Variants in PDLIM5 observed in about 807,000 individuals in gnomAD.
The protein encoded by PDLIM5 is PDZ and LIM domain protein 5.
PDLIM5 carries 34 observed loss-of-function variants against 64.2 expected under a neutral mutation model. That is an observed-to-expected ratio of 0.53 (90% confidence interval 0.40 to 0.71). PDLIM5 has a LOEUF of 0.71. Among genes scored for constraint, PDLIM5 ranks in the 30% least tolerant of loss-of-function variants. PDLIM5 has a pLI of 0.00. For missense variants in PDLIM5, 683 were observed against 733.6 expected (o/e 0.93, Z 0.80); for synonymous variants, 253 against 269.1 (o/e 0.94, Z 0.59).
intron 2 of PDLIM5, among the ~76,000 whole-genome samples, chr4:94,511,648 G>T (rs534231011): frequency 6.6e-6 from 1 of 150,866 alleles, no homozygotes; most frequent in African/African-American, 2.4e-5. Context: ...CCCAGCCTCT[G>T]GTAACCATCC....
intron 11 of PDLIM5, among the ~76,000 whole-genome samples, chr4:94,659,932 T>C (rs1742544497): frequency 6.7e-6 from 1 of 149,978 alleles, no homozygotes; most frequent in South Asian, 2.1e-4. Flanking sequence ...AGTCTCACTC[T>C]GTCACCCAGG....
intron 3 of PDLIM5, among the ~76,000 whole-genome samples, chr4:94,571,153 C>T (rs1325511935): frequency 3.3e-5 from 5 of 152,116 alleles, no homozygotes; most frequent in Non-Finnish European, 7.4e-5. Context: ...GATAAGACTG[C>T]TGTTTATTTG....
At chr4:94,467,150 C>A (rs1031030163) in intron 2 of PDLIM5, among the ~76,000 whole-genome samples, 1 of 152,100 alleles carries the variant, frequency 6.6e-6, no homozygotes, top group Non-Finnish European at 1.5e-5. Context: ...AGAAAACCCC[C>A]GAGTCTTATT....
intron 2 of PDLIM5, among the ~76,000 whole-genome samples, chr4:94,487,158 A>G (rs929163805): frequency 1.3e-5 from 2 of 152,094 alleles, no homozygotes; most frequent in Admixed American, 1.3e-4. Context: ...AATAACAACT[A>G]TTCTTTTTTG....
At chr4:94,466,589 A>T (rs1724387614) in intron 2 of PDLIM5, among the ~76,000 whole-genome samples, 1 of 152,214 alleles carries the variant, frequency 6.6e-6, no homozygotes, top group African/African-American at 2.4e-5. Flanking sequence ...AAATTTTATT[A>T]TAGAGCTTTT....
chr4:94,605,162 G>A (rs1224565290), intron 7 of PDLIM5, among the ~76,000 whole-genome samples: 3 of 152,182 alleles, frequency 2.0e-5, no homozygotes, highest in African/African-American at 7.2e-5. Flanking sequence ...CTGAGATTAA[G>A]GGAGGAGATG....
intron 2 of PDLIM5, among the ~76,000 whole-genome samples, chr4:94,465,956 CT>C (rs879478462): frequency 6.7e-5 from 10 of 148,442 alleles, no homozygotes; most frequent in South Asian, 2.1e-4. Flanking sequence ...GTGTCTGTTT[CT>C]TTTTTTTTTC....
In PDLIM5 at chr4:94,555,087, C is replaced by A. The variant is rs1733160575; in HGVS notation, c.249-18264C>A. Among the ~76,000 whole-genome samples the A allele has an allele frequency of 2.0e-5, 3 of 152,150 alleles. No individual in the cohort carries two copies. In the South Asian group the frequency reaches 6.2e-4, roughly 32 times the overall value. On this transcript the variant is annotated intron_variant, in intron 3 of 12. Coordinates refer to ENST00000317968, the MANE Select transcript of PDLIM5 (RefSeq NM_006457.5). ...TCTTTTTTTGAGATGGAGTCTCACT[C>A]TGTTGCCCCAGCTGGAGTGCAGTGG...
intron 2 of PDLIM5, among the ~76,000 whole-genome samples, chr4:94,502,570 A>G (rs1728022975): frequency 6.6e-6 from 1 of 152,056 alleles, no homozygotes; most frequent in Non-Finnish European, 1.5e-5. Flanking sequence ...ACTCCATAGG[A>G]TTTTTATGAG....
intron 3 of PDLIM5, among the ~76,000 whole-genome samples, chr4:94,549,420 A>G (rs939549748): frequency 7.2e-5 from 11 of 152,184 alleles, no homozygotes; most frequent in African/African-American, 2.7e-4. Context: ...CCTCTGACCT[A>G]TCAATTCCAT....
At chr4:94,586,610 A>T (rs570271281) in intron 7 of PDLIM5, among the ~76,000 whole-genome samples, 166 bp downstream of exon 7, 1 of 152,218 alleles carries the variant, frequency 6.6e-6, no homozygotes, top group Non-Finnish European at 1.5e-5. Flanking sequence ...CAACTTGCAG[A>T]TTTTAAAAGT....
At chr4:94,492,828 G>A (rs761124975) in intron 2 of PDLIM5, among the ~76,000 whole-genome samples, 27 of 152,116 alleles carry the variant, frequency 1.8e-4, no homozygotes, top group Non-Finnish European at 3.2e-4. Context: ...CTGCTGCTGT[G>A]AACATTTGTG....
intron 3 of PDLIM5, among the ~76,000 whole-genome samples, chr4:94,564,705 G>A (rs956427957): frequency 7.4e-6 from 1 of 135,690 alleles, no homozygotes; most frequent in Non-Finnish European, 1.5e-5. Context: ...TCCCAGGCTG[G>A]AGTGCAGTAG....
At chr4:94,649,966 G>A (rs191384149) in intron 9 of PDLIM5, among the ~76,000 whole-genome samples, 1 of 152,302 alleles carries the variant, frequency 6.6e-6, no homozygotes, top group East Asian at 1.9e-4. Flanking sequence ...AACTATAGGT[G>A]GCCTCACAAC....
chr4:94,582,943 A>G (rs897953117), intron 5 of PDLIM5: 38 of 500,318 alleles, frequency 7.6e-5, no homozygotes, highest in African/African-American at 7.2e-4. Flanking sequence ...GTAATGAAAA[A>G]CTTAGTAAGT....
intron 2 of PDLIM5, among the ~76,000 whole-genome samples, chr4:94,518,209 T>C (rs1440148544): frequency 2.0e-5 from 3 of 152,168 alleles, no homozygotes; most frequent in Admixed American, 6.6e-5. Flanking sequence ...TAAAATGATA[T>C]CTGCCATAAT....
intron 2 of PDLIM5, among the ~76,000 whole-genome samples, chr4:94,465,056 C>T (rs11935947): frequency 0.019 from 2,953 of 152,124 alleles, 75 homozygotes; most frequent in African/African-American, 0.061. Context: ...TAAATGGGCC[C>T]GTTTAATATA....
chr4:94,646,072 T>C (rs913286854), intron 9 of PDLIM5, among the ~76,000 whole-genome samples: 1 of 152,222 alleles, frequency 6.6e-6, no homozygotes, highest in African/African-American at 2.4e-5. Context: ...ATAAGCAACA[T>C]TCGTTGAGTA....
chr4:94,452,336 G>A (rs1209979555), intron 1 of PDLIM5, among the ~76,000 whole-genome samples: 1 of 152,156 alleles, frequency 6.6e-6, no homozygotes, highest in African/African-American at 2.4e-5. Context: ...GCAGGGACGG[G>A]CACTGCCGCT....
Sources: gnomAD v4.1 joint callset for allele counts (sites outside exome capture counted in the v4.1 genomes callset) on GRCh38, gnomAD v4.1.1 for gene constraint, MANE v1.5 for transcripts, NCBI Gene and HGNC (gene_info 2026-07-23, HGNC 2026-07-21) for gene names.